The following PAPPA variants were observed in gnomAD, a reference collection of about 807,000 sequenced individuals.
PAPPA encodes the protein pappalysin-1.
PAPPA carries 60 observed loss-of-function variants against 164.0 expected under a neutral mutation model. The ratio of observed to expected loss-of-function variants is 0.37; its 90% CI spans 0.30 to 0.45. The LOEUF (loss-of-function observed/expected upper bound fraction) is 0.45, where lower values mean the gene tolerates loss of function less well. Ranked by LOEUF, PAPPA falls within the 20% of genes least tolerant of loss-of-function variation. The pLI, the probability that PAPPA is intolerant of heterozygous loss-of-function variation, is 1.00. For missense variants in PAPPA, 1,782 were observed against 2,087.3 expected (o/e 0.85, Z 2.85); for synonymous variants, 875 against 814.1 (o/e 1.07, Z -1.27).
At chr9:116,238,765 G>T (rs1001645240) in intron 7 of PAPPA, among the ~76,000 whole-genome samples, 1 of 152,128 alleles carries the variant, frequency 6.6e-6, no homozygotes, top group Non-Finnish European at 1.5e-5. Context: ...GGAGATCTGG[G>T]CTGGGATGGG....
At chr9:116,225,730 C>T (rs1219125651) in intron 5 of PAPPA, among the ~76,000 whole-genome samples, 1 of 152,082 alleles carries the variant, frequency 6.6e-6, no homozygotes, top group Non-Finnish European at 1.5e-5. Flanking sequence ...AATGATAAGG[C>T]TGAGAATGCA....
intron 1 of PAPPA, among the ~76,000 whole-genome samples, chr9:116,160,575 ATGAGGAGAAGAGAAAAT>A: frequency 6.6e-6 from 1 of 152,322 alleles, no homozygotes; most frequent in South Asian, 2.1e-4. Context: ...GGTGTCTCCA[ATGAGGAGAAGAGAAAAT>A]CTCCAGGTAC....
intron 6 of PAPPA, among the ~76,000 whole-genome samples, chr9:116,228,141 C>A (rs1421216829): frequency 1.3e-5 from 2 of 152,210 alleles, no homozygotes; most frequent in Non-Finnish European, 2.9e-5. Context: ...GTCTCTCAGG[C>A]TTACCAAGGA....
intron 1 of PAPPA, among the ~76,000 whole-genome samples, chr9:116,170,513 C>A (rs1195209169): frequency 3.9e-5 from 6 of 152,084 alleles, no homozygotes; most frequent in African/African-American, 1.2e-4. Context: ...GACCATGAAG[C>A]CACAAATCCA....
At chr9:116,193,777 G>A (rs1371068420) in intron 2 of PAPPA, among the ~76,000 whole-genome samples, 1 of 152,176 alleles carries the variant, frequency 6.6e-6, no homozygotes, top group African/African-American at 2.4e-5. Context: ...TGTATCCTGT[G>A]ATTCAATGAC....
chr9:116,232,384 A>G (rs1844609268), intron 6 of PAPPA, among the ~76,000 whole-genome samples: 2 of 152,182 alleles, frequency 1.3e-5, no homozygotes, highest in Admixed American at 6.5e-5. Flanking sequence ...ATCTCATCCT[A>G]TTTGAGGTTT....
intron 9 of PAPPA, among the ~76,000 whole-genome samples, chr9:116,280,888 A>T (rs1025674262): frequency 7.2e-5 from 11 of 152,212 alleles, no homozygotes; most frequent in Non-Finnish European, 2.9e-5. Context: ...AATATTTACC[A>T]TCTGGTCCTT....
chr9:116,212,426 C>T (rs1177557983), intron 4 of PAPPA, among the ~76,000 whole-genome samples: 1 of 152,142 alleles, frequency 6.6e-6, no homozygotes, highest in African/African-American at 2.4e-5. Context: ...GCATGGGATA[C>T]ATCAAGGCCT....
At chr9:116,260,880 A>G (rs374051097) in intron 7 of PAPPA, among the ~76,000 whole-genome samples, 67 of 152,344 alleles carry the variant, frequency 4.4e-4, no homozygotes, top group African/African-American at 1.6e-3. Flanking sequence ...CAAATTCCAA[A>G]TCTTTCAACT....
At chr9:116,307,188 T>C (rs1845657357) in intron 10 of PAPPA, among the ~76,000 whole-genome samples, 1 of 152,212 alleles carries the variant, frequency 6.6e-6, no homozygotes, top group South Asian at 2.1e-4. Flanking sequence ...TCTTTGTAAT[T>C]GATTCTCTGA....
intron 7 of PAPPA, among the ~76,000 whole-genome samples, chr9:116,257,313 A>G (rs2118793307): frequency 6.6e-6 from 1 of 152,126 alleles, no homozygotes; most frequent in South Asian, 2.1e-4. Flanking sequence ...TAAACTGGGA[A>G]TAAGTACAAT....
chr9:116,385,282 T>C (rs1043284104), intron 21 of PAPPA, among the ~76,000 whole-genome samples: 2 of 117,152 alleles, frequency 1.7e-5, no homozygotes, highest in African/African-American at 3.5e-5. Flanking sequence ...AATAAATAAA[T>C]AATAATTTGG....
intron 2 of PAPPA, 46 bp downstream of exon 2, chr9:116,188,262 G>A (rs1279873727): frequency 7.0e-7 from 1 of 1,426,086 alleles, no homozygotes; most frequent in African/African-American, 1.4e-5. Flanking sequence ...AGTTGAACTT[G>A]ATGTCCTCCA....
chr9:116,391,826 T>C (rs1372269692), intron 21 of PAPPA, among the ~76,000 whole-genome samples: 1 of 152,212 alleles, frequency 6.6e-6, no homozygotes, highest in Non-Finnish European at 1.5e-5. Flanking sequence ...GTGTTCATGC[T>C]GTGGGTGGTA....
At chr9:116,164,591 T>C (rs780349179) in intron 1 of PAPPA, among the ~76,000 whole-genome samples, 1 of 152,208 alleles carries the variant, frequency 6.6e-6, no homozygotes. Context: ...TATAGCCTTG[T>C]GTGTTTAGGA....
intron 9 of PAPPA, among the ~76,000 whole-genome samples, chr9:116,289,289 A>G (rs1422789516): frequency 9.0e-6 from 1 of 110,546 alleles, no homozygotes; most frequent in Non-Finnish European, 2.1e-5. Flanking sequence ...TAGCATATAA[A>G]TAGCATATAT....
chr9:116,268,526 T>C (rs1845098240), intron 8 of PAPPA, among the ~76,000 whole-genome samples: 1 of 152,136 alleles, frequency 6.6e-6, no homozygotes, highest in Non-Finnish European at 1.5e-5. Flanking sequence ...GAATTTCTAA[T>C]TTAGCCCAAT....
At chr9:116,244,212 G>A (rs1844769897) in intron 7 of PAPPA, among the ~76,000 whole-genome samples, 1 of 152,126 alleles carries the variant, frequency 6.6e-6, no homozygotes, top group East Asian at 1.9e-4. Context: ...AATTTTGAAA[G>A]GGTGAAGGGC....
intron 2 of PAPPA, among the ~76,000 whole-genome samples, chr9:116,203,315 T>C (rs1844193015): frequency 6.6e-6 from 1 of 152,228 alleles, no homozygotes; most frequent in Non-Finnish European, 1.5e-5. Context: ...CTGGCCTTGC[T>C]CATCCTGTTT....
Sources: allele counts gnomAD v4.1 joint callset (sites outside exome capture counted in the v4.1 genomes callset), GRCh38; gene constraint gnomAD v4.1.1; transcripts MANE v1.5; gene names NCBI Gene and HGNC (gene_info 2026-07-23, HGNC 2026-07-21).